Variants in MMP1 observed in about 807,000 individuals in gnomAD.
MMP1 encodes the protein interstitial collagenase.
MMP1 carries 51 observed loss-of-function variants against 49.6 expected under a neutral mutation model. The observed-to-expected ratio is 1.03, with a 90% CI of 0.82 to 1.30. The LOEUF (loss-of-function observed/expected upper bound fraction) is 1.30, where lower values mean the gene tolerates loss of function less well. Among genes scored for constraint, MMP1 ranks in the 50% most tolerant of loss-of-function variants. The pLI, the probability that MMP1 is intolerant of heterozygous loss-of-function variation, is 0.00. For missense variants in MMP1, 623 were observed against 568.7 expected, an observed-to-expected ratio of 1.10 and a Z score of -0.97; for synonymous variants, 230 against 196.8, an observed-to-expected ratio of 1.17 and a Z score of -1.41.
chr11:102,797,526 C>T (rs886964728), intron 1 of MMP1, 26 bp from the exon 2 acceptor site: 1 of 1,610,376 alleles, frequency 6.2e-7, no homozygotes, highest in Admixed American at 1.7e-5. Flanking sequence ...TATCGAAACA[C>T]TGCATGGGAA....
rs1348713688 is a variant in MMP1 at position 102,794,014 on chromosome 11, G to A, written c.899+1160C>T. Among the ~76,000 whole-genome samples, 2 of 152,132 alleles carry A rather than the reference G, an allele frequency of 1.3e-5. No individual in the cohort carries two copies. The highest frequency in any genetic ancestry group is 2.9e-5 in the Non-Finnish European group (2 of 68,016). On this transcript the variant is annotated intron_variant, in intron 6 of 9. Coordinates refer to ENST00000315274, the MANE Select transcript of MMP1 (RefSeq NM_002421.4). The surrounding 1 kb of genome is among the most constrained non-coding windows in gnomAD (Gnocchi z 4.3). ...ATGGCGACATTTAAATGATCTCTGT[G>A]TCCTTTCAATTCTGGCAAATCCTCA...
Position 102,790,457 on chromosome 11 carries a change from C to A in MMP1, c.1365G>T (p.Leu455Phe). The A allele has an allele frequency of 1.2e-6, 2 of 1,611,002 alleles. No homozygotes were observed. Among genetic ancestry groups the A allele is most frequent in the East Asian group, 2.2e-5 (1 of 44,792 alleles). ...YKFDPKTKRILTLQKANSWFN... is the reference protein window; with the variant it reads ...YKFDPKTKRIFTLQKANSWFN... ...ACCAGCTATTAGCTTTCTGGAGAGT[C>A]AAAATTCTCTTCGTTTTAGGATCAA... The change falls in exon 10 of 10, where the codon TTG becomes TTT. Residue 455 changes from leucine to phenylalanine, a missense_variant. Coordinates refer to ENST00000315274, the MANE Select transcript of MMP1 (RefSeq NM_002421.4).
rs916428819 is a variant in MMP1, at chr11:102,790,686, C to G, written c.1300+17G>C. ...CTACGGCAATGAAATGGAGGAAATA[C>G]ATGTATATTCACTTACCATCTTTCA... On this transcript the variant is annotated intron_variant, in intron 9 of 9. Coordinates refer to ENST00000315274, the MANE Select transcript of MMP1 (RefSeq NM_002421.4). 6.5e-7 allele frequency: 1 copy of G among 1,539,348 alleles called. No individual in the cohort carries two copies. The highest frequency in any genetic ancestry group is 9.0e-7 in the Non-Finnish European group (1 of 1,112,464).
chr11:102,790,658 T>C, intron 9 of MMP1, 45 bp downstream of exon 9: 1 of 1,414,728 alleles, frequency 7.1e-7, no homozygotes, highest in South Asian at 1.2e-5. Flanking sequence ...AATGATGTTA[T>C]TGCTACGGCA....
chr11:102,796,013 T>C (rs1446844539), intron 4 of MMP1, among the ~76,000 whole-genome samples: 1 of 152,212 alleles, frequency 6.6e-6, no homozygotes, highest in African/African-American at 2.4e-5. Context: ...GGCAGTGGCA[T>C]GATCTTGGCT....
intron 1 of MMP1, 72 bp downstream of exon 1, chr11:102,797,916 A>T (rs1294646403): frequency 2.6e-6 from 3 of 1,157,772 alleles, no homozygotes; most frequent in African/African-American, 1.6e-5. Context: ...TCCTTAAAAA[A>T]CTCTATTACA....
Position 102,790,358 on chromosome 11 carries a change from G to A in MMP1, c.*54C>T. The A allele has an allele frequency of 9.2e-7, 1 of 1,081,790 alleles. No individual in the cohort carries two copies. The highest frequency in any genetic ancestry group is 1.4e-6 in the Non-Finnish European group (1 of 723,358). The allele number at this position is 1,081,790 out of a possible 1,614,324, so 67.0% of individuals were successfully genotyped here. A position where few individuals can be genotyped will look rare whatever the true frequency, so the allele number is the denominator to read the frequency against. On this transcript the variant is annotated 3_prime_UTR_variant, in exon 10 of 10. Transcript: ENST00000315274. ...ACTGAGAAAATAGACAGTTCTTCAG[G>A]AAAACACCTTCTTTGGACTCACACC...
rs763452112 is a variant in MMP1 at position 102,797,981 on chromosome 11, C to G, written c.105+7G>C. ...TACATTATTGTCACATGCAATGCAG[C>G]ATTTACCTGGACTAAGTCCACATCT... is the stretch of plus-strand genomic sequence containing the variant. On this transcript the variant is annotated splice_region_variant and intron_variant, in intron 1 of 9. Transcript: ENST00000315274. 9 of 1,596,652 alleles carry G rather than the reference C, an allele frequency of 5.6e-6. No homozygotes were observed. The highest frequency in any genetic ancestry group is 7.7e-6 in the Non-Finnish European group (9 of 1,165,930).
Position 102,797,299 on chromosome 11 carries a change from T to G in MMP1, c.307A>C (p.Thr103Pro). 1 of 1,614,208 alleles carries G rather than the reference T, an allele frequency of 6.2e-7. No individual in the cohort carries two copies. Among genetic ancestry groups the G allele is most frequent in the Non-Finnish European group, 8.5e-7 (1 of 1,180,036 alleles). ...TGCTCCCAGCGAGGGTTCCCCTCAG[T>G]GAGGACAAACTGAGCCACATCAGGC... Reference protein sequence around the residue: ...GVPDVAQFVLTEGNPRWEQTH... With the variant: ...GVPDVAQFVLPEGNPRWEQTH... Residue 103 changes from threonine to proline, a missense_variant, in exon 2 of 10, where the codon ACT (threonine) becomes CCT (proline). Transcript: ENST00000315274.
rs1858197203 is a variant in MMP1, at chr11:102,796,582, AT to A, written c.625+81del. ...GAAAAATATATACTTCTATGAATGC[AT>A]TCTTTCAACTAAATCAACCAATATT... On this transcript the variant is annotated intron_variant, in intron 4 of 9. Transcript: ENST00000315274. 2.0e-6 allele frequency: 3 copies of A among 1,485,676 alleles called. 1 individual carries two copies. Among genetic ancestry groups the A allele is most frequent in the South Asian group, 2.7e-5 (2 of 73,990 alleles). 92.0% of individuals were successfully genotyped at this position (1,485,676 alleles called of 1,614,324 possible).
Position 102,798,094 on chromosome 11 carries a change from C to T in MMP1, c.-2G>A. On this transcript the variant is annotated 5_prime_UTR_variant, in exon 1 of 10. Coordinates refer to ENST00000315274, the MANE Select transcript of MMP1 (RefSeq NM_002421.4). ...CAGCAGTGGAGGAAAGCTGTGCATA[C>T]TGGCCTTTGTCTTCTTTCTCAGTGC... 6.2e-7 allele frequency: 1 copy of T among 1,606,390 alleles called. No homozygotes were observed.
intron 8 of MMP1, 115 bp from the exon 9 acceptor site, chr11:102,790,921 A>G (rs111822238): frequency 9.6e-5 from 66 of 684,074 alleles, no homozygotes; most frequent in African/African-American, 9.3e-4. Context: ...TTTATAGATC[A>G]TTTGTGAAAT....
intron 7 of MMP1, 87 bp from the exon 8 acceptor site, chr11:102,791,582 T>G (rs1317337886): frequency 1.4e-6 from 2 of 1,432,680 alleles, no homozygotes; most frequent in African/African-American, 1.4e-5. Context: ...TAGTTTCACA[T>G]GCTAGTGCAG....
At chr11:102,791,197 A>G (rs1183341069) in intron 8 of MMP1, 136 bp downstream of exon 8, 5 of 835,414 alleles carry the variant, frequency 6.0e-6, no homozygotes, top group Non-Finnish European at 7.8e-6. Context: ...GACTAAATAG[A>G]TGATAGATTG....
Position 102,798,050 on chromosome 11 carries a change from C to A in MMP1, c.43G>T (p.Val15Leu), listed in dbSNP as rs774851595. 6.2e-7 allele frequency: 1 copy of A among 1,613,202 alleles called. No homozygotes were observed. Among genetic ancestry groups the A allele is most frequent in the Non-Finnish European group, 8.5e-7 (1 of 1,179,980 alleles). ...PPLLLLLFWG[V>L]VSHSFPATLE... ...GTCGCTGGGAAGCTGTGAGACACCACACCCCAGAACAGCAGCAGCAGCAGT... is the reference window on the plus strand; with the variant it reads ...GTCGCTGGGAAGCTGTGAGACACCAAACCCCAGAACAGCAGCAGCAGCAGT... Residue 15 changes from valine to leucine, a missense_variant, in exon 1 of 10, where the codon GTG becomes TTG. Coordinates refer to ENST00000315274, the MANE Select transcript of MMP1 (RefSeq NM_002421.4).
Position 102,797,914 on chromosome 11 carries a change from A to T in MMP1, c.105+74T>A. ...TCTTTATAAGAAACCTATCCTTAAA[A>T]AACTCTATTACATTACTGCAGAAAA... On this transcript the variant is annotated intron_variant, in intron 1 of 9. Transcript: ENST00000315274. 2.6e-6 allele frequency: 3 copies of T among 1,156,626 alleles called. No homozygotes were observed. The East Asian group carries it at 7.4e-5, about 29-fold the overall frequency. 71.6% of individuals were successfully genotyped at this position (1,156,626 alleles called of 1,614,324 possible).
intron 6 of MMP1, chr11:102,793,315 C>T (rs1438387894): frequency 1.3e-5 from 2 of 152,134 alleles, no homozygotes; most frequent in African/African-American, 4.8e-5. Context: ...GACAGGGTTT[C>T]ACCATATTGG....
intron 1 of MMP1, among the ~76,000 whole-genome samples, chr11:102,797,714 G>A (rs1353000111): frequency 6.6e-6 from 1 of 152,088 alleles, no homozygotes; most frequent in Non-Finnish European, 1.5e-5. Context: ...CTTCATAGTA[G>A]AGCAATTTTT....
intron 8 of MMP1, 64 bp downstream of exon 8, chr11:102,791,269 G>C: frequency 6.4e-7 from 1 of 1,568,876 alleles, no homozygotes; most frequent in East Asian, 2.2e-5. Flanking sequence ...TTTGAAATGG[G>C]CTATTCTAGA....
Sources: gnomAD v4.1 joint callset for allele counts (sites outside exome capture counted in the v4.1 genomes callset) on GRCh38, gnomAD v4.1.1 for gene constraint, Gnocchi (gnomAD v3.1) non-coding constraint, MANE v1.5 for transcripts, NCBI Gene and HGNC (gene_info 2026-07-23, HGNC 2026-07-21) for gene names.